The following ROBO2 variants were observed in gnomAD, a reference collection of about 807,000 sequenced individuals.
ROBO2 encodes the protein roundabout guidance receptor 2, also known as roundabout homolog 2.
ROBO2 carries 53 observed loss-of-function variants against 160.8 expected under a neutral mutation model. The ratio of observed to expected loss-of-function variants is 0.33; its 90% CI spans 0.26 to 0.41. ROBO2 has a LOEUF of 0.41. Ranked by LOEUF, ROBO2 falls within the 10% of genes least tolerant of loss-of-function variation. The pLI, the probability that ROBO2 is intolerant of heterozygous loss-of-function variation, is 1.00. For synonymous variants in ROBO2, 664 were observed against 611.7 expected, an observed-to-expected ratio of 1.09 and a Z score of -1.26; for missense variants, 1,577 against 1,722.4, an observed-to-expected ratio of 0.92 and a Z score of 1.49.
At chr3:76,312,293 C>T (rs1159605165) in intron 2 of ROBO2, among the ~76,000 whole-genome samples, 1 of 152,170 alleles carries the variant, frequency 6.6e-6, no homozygotes. Context: ...GTCTCCCCTA[C>T]CATTTCTTTC....
At chr3:76,448,447 G>A (rs988514165) in intron 2 of ROBO2, among the ~76,000 whole-genome samples, 2 of 152,098 alleles carry the variant, frequency 1.3e-5, no homozygotes, top group Admixed American at 6.6e-5. Flanking sequence ...AGTTCACCAA[G>A]GGCAAAATCC....
At chr3:76,141,169 ATAT>A (rs2071647913) in intron 2 of ROBO2, among the ~76,000 whole-genome samples, 1 of 98,404 alleles carries the variant, frequency 1.0e-5, no homozygotes, top group Non-Finnish European at 2.1e-5. Flanking sequence ...CTATATATAT[ATAT>A]ATATATATAT....
intron 2 of ROBO2, among the ~76,000 whole-genome samples, chr3:77,403,205 T>A (rs13097245): frequency 0.11 from 16,930 of 152,234 alleles, 1,978 homozygotes; most frequent in African/African-American, 0.3. Flanking sequence ...TTGTCTCACA[T>A]ATTTATCATT....
chr3:76,209,406 T>C (rs573104882), intron 2 of ROBO2, among the ~76,000 whole-genome samples: 210 of 152,340 alleles, frequency 1.4e-3, no homozygotes, highest in African/African-American at 3.9e-3. Flanking sequence ...TTTGAAAATA[T>C]AAGATTCTCT....
At chr3:75,997,499 C>CTTTTTTTTTTTTTTTTTTT (rs56890342) in intron 2 of ROBO2, among the ~76,000 whole-genome samples, 2 of 126,522 alleles carry the variant, frequency 1.6e-5, no homozygotes, top group African/African-American at 2.8e-5. Flanking sequence ...TTCATCCATT[C>CTTTTTTTTTTTTTTTTTTT]TTTTTTTTTT....
chr3:77,153,704 C>T (rs1188581979), intron 2 of ROBO2, among the ~76,000 whole-genome samples: 3 of 152,020 alleles, frequency 2.0e-5, no homozygotes, highest in African/African-American at 4.8e-5. Context: ...TCTACCAACA[C>T]GCAAAAGGTC....
At chr3:76,971,164 T>C (rs572246879) in intron 2 of ROBO2, among the ~76,000 whole-genome samples, 5 of 152,254 alleles carry the variant, frequency 3.3e-5, no homozygotes, top group Admixed American at 2.0e-4. Context: ...TTGAGAAATA[T>C]GTTATAAAGA....
At chr3:77,389,992 G>C (rs1372917183) in intron 2 of ROBO2, among the ~76,000 whole-genome samples, 1 of 152,148 alleles carries the variant, frequency 6.6e-6, no homozygotes, top group Non-Finnish European at 1.5e-5. Context: ...TTCTAAGATT[G>C]TGATTTTACC....
At chr3:77,117,296 G>A (rs1180968229) in intron 2 of ROBO2, among the ~76,000 whole-genome samples, 1 of 151,972 alleles carries the variant, frequency 6.6e-6, no homozygotes, top group Non-Finnish European at 1.5e-5. Context: ...TTAAAATAAT[G>A]GTTTTAAATG....
At chr3:76,673,423 C>T (rs1391069593) in intron 2 of ROBO2, among the ~76,000 whole-genome samples, 7 of 152,084 alleles carry the variant, frequency 4.6e-5, no homozygotes, top group Non-Finnish European at 8.8e-5. Flanking sequence ...TAGCAATACA[C>T]GAACAAGTCC....
intron 2 of ROBO2, among the ~76,000 whole-genome samples, chr3:76,421,187 G>C (rs1368009397): frequency 2.6e-5 from 4 of 152,112 alleles, no homozygotes; most frequent in Non-Finnish European, 4.4e-5. Flanking sequence ...CATATTTTGG[G>C]ATGTATTTAT....
At chr3:76,442,640 C>A (rs2076979485) in intron 2 of ROBO2, among the ~76,000 whole-genome samples, 1 of 152,044 alleles carries the variant, frequency 6.6e-6, no homozygotes, top group Non-Finnish European at 1.5e-5. Context: ...ATAAACAATT[C>A]CTCGGTTTCA....
intron 2 of ROBO2, among the ~76,000 whole-genome samples, chr3:76,829,991 C>A (rs1576902286): frequency 6.6e-6 from 1 of 152,096 alleles, no homozygotes; most frequent in South Asian, 2.1e-4. Context: ...TTTTAAGGCA[C>A]CATCTTCAGC....
At chr3:76,044,688 G>A (rs184307671) in intron 2 of ROBO2, among the ~76,000 whole-genome samples, 1 of 152,102 alleles carries the variant, frequency 6.6e-6, no homozygotes, top group Non-Finnish European at 1.5e-5. Flanking sequence ...CATATTGAAG[G>A]TGACAGAAAA....
At chr3:76,728,439 T>G (rs537778572) in intron 2 of ROBO2, among the ~76,000 whole-genome samples, 1 of 152,352 alleles carries the variant, frequency 6.6e-6, no homozygotes, top group Admixed American at 6.5e-5. Context: ...ACTCTTATAA[T>G]ATCAGATGTT....
intron 2 of ROBO2, among the ~76,000 whole-genome samples, chr3:77,344,929 T>A (rs112663332): frequency 6.6e-6 from 1 of 152,130 alleles, no homozygotes; most frequent in East Asian, 1.9e-4. Flanking sequence ...TTATGATAAA[T>A]AATTCTTGAA....
intron 2 of ROBO2, among the ~76,000 whole-genome samples, chr3:77,157,041 G>C (rs1461953782): frequency 2.0e-5 from 3 of 151,986 alleles, no homozygotes; most frequent in East Asian, 1.9e-4. Context: ...AATTGGTATT[G>C]ACCAAACAGG....
At chr3:77,408,912 T>G (rs2076475508) in intron 2 of ROBO2, among the ~76,000 whole-genome samples, 1 of 151,820 alleles carries the variant, frequency 6.6e-6, no homozygotes, top group South Asian at 2.1e-4. Flanking sequence ...TTTAAAATTT[T>G]TTATAGAGGT....
intron 2 of ROBO2, among the ~76,000 whole-genome samples, chr3:76,792,083 A>C (rs2063387745): frequency 6.6e-6 from 1 of 151,898 alleles, no homozygotes; most frequent in African/African-American, 2.4e-5. Context: ...ATTTATTTAA[A>C]GACAAAAAGA....
Sources: gnomAD v4.1 joint callset for allele counts (sites outside exome capture counted in the v4.1 genomes callset) on GRCh38, gnomAD v4.1.1 for gene constraint, MANE v1.5 for transcripts, NCBI Gene and HGNC (gene_info 2026-07-23, HGNC 2026-07-21) for gene names.